Variants in PHC2 observed in about 807,000 individuals in gnomAD.
PHC2 encodes the protein polyhomeotic-like protein 2.
Under a neutral mutation model 87.4 loss-of-function variants are expected in PHC2, and 29 were observed. That is an observed-to-expected ratio of 0.33 (90% CI 0.25 to 0.45). The LOEUF is 0.45. Among genes scored for constraint, PHC2 ranks in the 20% least tolerant of loss-of-function variants. The pLI, the probability that PHC2 is intolerant of heterozygous loss-of-function variation, is 1.00. For synonymous variants in PHC2, 438 were observed against 461.7 expected (o/e 0.95, Z 0.66); for missense variants, 857 against 1,136.7 (o/e 0.75, Z 3.54).
At chr1:33,328,739 C>T in intron 14 of PHC2, 131 bp downstream of exon 14, 1 of 803,174 alleles carries the variant, frequency 1.2e-6, no homozygotes, top group Non-Finnish European at 2.0e-6. Flanking sequence ...GCTCATCTCA[C>T]TCATTTCTGC....
intron 9 of PHC2, among the ~76,000 whole-genome samples, chr1:33,338,795 C>G (rs1003553562): frequency 6.6e-5 from 10 of 152,160 alleles, no homozygotes; most frequent in Non-Finnish European, 1.0e-4. Flanking sequence ...TGTATACAGT[C>G]AGGCACCTGA....
chr1:33,338,320 C>T (rs936648505), intron 9 of PHC2, among the ~76,000 whole-genome samples: 2 of 152,228 alleles, frequency 1.3e-5, no homozygotes, highest in African/African-American at 2.4e-5. Context: ...AGAGAGAGAA[C>T]ACACTAAAAA....
At position 33,349,857 on chromosome 1, in the gene PHC2, C is replaced by G; in HGVS notation, c.1558+4544G>C. Reference sequence around the variant, plus strand: ...CGGCGGCCGGGGTTGCGCGCGCGCGCGCGGCGGGCGCTCGAGGGCTGCAGC... The same window carrying G: ...CGGCGGCCGGGGTTGCGCGCGCGCGGGCGGCGGGCGCTCGAGGGCTGCAGC... On this transcript the variant is annotated intron_variant, in intron 9 of 14. Coordinates refer to ENST00000683057, the MANE Select transcript of PHC2 (RefSeq NM_001385109.1). This position sits in a 1 kb window ranked among gnomAD's most constrained non-coding sequence, Gnocchi z 4.2. 1.0e-6 allele frequency: 1 copy of G among 976,466 alleles called. No individual in the cohort carries two copies. Among genetic ancestry groups the G allele is most frequent in the Non-Finnish European group, 1.2e-6 (1 of 825,388 alleles). 60.5% of individuals were successfully genotyped at this position (976,466 alleles called of 1,614,324 possible).
chr1:33,423,401 T>C (rs946634046), intron 1 of PHC2, among the ~76,000 whole-genome samples: 2 of 152,040 alleles, frequency 1.3e-5, no homozygotes, highest in African/African-American at 2.4e-5. Context: ...AAACCATCCA[T>C]CCCGTACAGC....
At chr1:33,359,595 C>T (rs999767464) in intron 7 of PHC2, among the ~76,000 whole-genome samples, 1 of 152,104 alleles carries the variant, frequency 6.6e-6, no homozygotes, top group Admixed American at 6.5e-5. Flanking sequence ...AAGACATGGT[C>T]CCTAGAAGAG....
chr1:33,335,145 C>T (rs1646596184), intron 9 of PHC2: 1 of 978,546 alleles, frequency 1.0e-6, no homozygotes, highest in Non-Finnish European at 1.2e-6. Context: ...ACAGAGTGCT[C>T]CAGAAAGTGA....
chr1:33,400,471 T>C (rs887491138), intron 1 of PHC2, among the ~76,000 whole-genome samples: 3 of 152,256 alleles, frequency 2.0e-5, no homozygotes, highest in Admixed American at 6.5e-5. Flanking sequence ...AAGCACTTAC[T>C]GTGTAGCAGC....
Position 33,331,618 on chromosome 1 carries a change from T to G in PHC2, c.1892-156A>C. On this transcript the variant is annotated intron_variant, in intron 11 of 14. Coordinates refer to ENST00000683057, the MANE Select transcript of PHC2 (RefSeq NM_001385109.1). The surrounding 1 kb of genome is among the most constrained non-coding windows in gnomAD (Gnocchi z 5.2). ...ATTCTAGCATGGAAAATGCCAGTGG[T>G]TCTCACCCCTGGAATGCACTCAAGG... The G allele has an allele frequency of 1.7e-6, 1 of 575,316 alleles. No individual in the cohort carries two copies. Among genetic ancestry groups the G allele is most frequent in the Non-Finnish European group, 3.1e-6 (1 of 320,634 alleles). The allele number at this position is 575,316 out of a possible 1,614,324, so 35.6% of individuals were successfully genotyped here.
rs1173113283 is a variant in PHC2, at chr1:33,369,338, G to A, written c.577-716C>T. Among the ~76,000 whole-genome samples, 2 of 152,210 alleles carry A rather than the reference G, an allele frequency of 1.3e-5. No individual in the cohort carries two copies. The highest frequency in any genetic ancestry group is 6.5e-5 in the Admixed American group (1 of 15,286). On this transcript the variant is annotated intron_variant, in intron 5 of 14. Transcript: ENST00000683057. The surrounding 1 kb of genome is among the most constrained non-coding windows in gnomAD (Gnocchi z 4.7). Reference sequence around the variant, plus strand: ...CAGGGTGCTTTCCCTAGAACTCTGCGATAGCGCAGCTGTGCTTTTTCCTCT... The same window carrying A: ...CAGGGTGCTTTCCCTAGAACTCTGCAATAGCGCAGCTGTGCTTTTTCCTCT...
At chr1:33,426,267 G>A (rs562787179) in intron 1 of PHC2, among the ~76,000 whole-genome samples, 2 of 152,054 alleles carry the variant, frequency 1.3e-5, no homozygotes, top group South Asian at 4.2e-4. Flanking sequence ...AGGCAGGACA[G>A]AACAGAAGCA....
At chr1:33,372,522 C>A (rs1171509082) in intron 2 of PHC2, 75 bp from the exon 3 acceptor site, 83 of 1,338,176 alleles carry the variant, frequency 6.2e-5, no homozygotes, top group Non-Finnish European at 7.6e-5. Flanking sequence ...TAATGCCTTG[C>A]CCACCCCAGG....
rs555751258 is a variant in PHC2 at position 33,358,856 on chromosome 1, T to C, written c.977-3603A>G. On this transcript the variant is annotated intron_variant, in intron 7 of 14. Transcript: ENST00000683057. ...ATTCTAGTCACCATTCTCTGGTCTT[T>C]ACAGCTGACAGGACTTTCCCCTTTC... 9.2e-5 allele frequency: 14 copies of C among 152,418 alleles called. No individual in the cohort carries two copies. The South Asian group carries it at 2.9e-3, about 32-fold the overall frequency. The allele number at this position is 152,418 out of a possible 1,614,324, so 9.4% of individuals were successfully genotyped here.
chr1:33,349,706 G>A lies in PHC2; in HGVS notation c.1558+4695C>T. The A allele has an allele frequency of 3.0e-6, 3 of 992,756 alleles. No individual in the cohort carries two copies. The highest frequency in any genetic ancestry group is 3.6e-6 in the Non-Finnish European group (3 of 834,460). The allele number at this position is 992,756 out of a possible 1,614,324, so 61.5% of individuals were successfully genotyped here. A position where few individuals can be genotyped will look rare whatever the true frequency, so the allele number is the denominator to read the frequency against. The stretch of plus-strand genomic sequence containing the variant: ...GGGCGGGCCGCCTCCTCTCCGCCGG[G>A]AGCCTCCGAGCCGGGGCCCGGGGCT... On this transcript the variant is annotated intron_variant, in intron 9 of 14. Coordinates refer to ENST00000683057, the MANE Select transcript of PHC2 (RefSeq NM_001385109.1). The surrounding 1 kb of genome is among the most constrained non-coding windows in gnomAD (Gnocchi z 4.2).
At chr1:33,330,418 A>G (rs1646465011) in intron 12 of PHC2, among the ~76,000 whole-genome samples, 1 of 152,222 alleles carries the variant, frequency 6.6e-6, no homozygotes, top group Admixed American at 6.5e-5. Flanking sequence ...AGTTGGGGGT[A>G]ATACCACTCA....
intron 1 of PHC2, among the ~76,000 whole-genome samples, chr1:33,415,140 G>A (rs1650151615): frequency 6.6e-6 from 1 of 152,172 alleles, no homozygotes; most frequent in Non-Finnish European, 1.5e-5. Context: ...ACTGAGATTA[G>A]ACATCCAGGA....
At chr1:33,379,710 C>G (rs551060642) in intron 1 of PHC2, among the ~76,000 whole-genome samples, 1 of 150,814 alleles carries the variant, frequency 6.6e-6, no homozygotes, top group East Asian at 2.0e-4. Flanking sequence ...CTCTGGAATA[C>G]GAGCACGTCC....
At chr1:33,347,749 G>T (rs981381879) in intron 9 of PHC2, 2 of 985,216 alleles carry the variant, frequency 2.0e-6, no homozygotes, top group Non-Finnish European at 2.4e-6. Flanking sequence ...TGGGTGGGCT[G>T]AGAAGCAGAG....
chr1:33,398,057 T>C (rs1649367500), intron 1 of PHC2, among the ~76,000 whole-genome samples: 1 of 152,184 alleles, frequency 6.6e-6, no homozygotes, highest in Admixed American at 6.5e-5. Flanking sequence ...CAAGACCCCA[T>C]CTGGCTCTGC....
chr1:33,349,885 C>G lies in PHC2; in HGVS notation c.1558+4516G>C. ...GGCGGGCGCTCGAGGGCTGCAGCCGCCGCGGAGACAATGCGGCGAGTCTGG... is the reference window on the plus strand; with the variant it reads ...GGCGGGCGCTCGAGGGCTGCAGCCGGCGCGGAGACAATGCGGCGAGTCTGG... On this transcript the variant is annotated intron_variant, in intron 9 of 14. Coordinates refer to ENST00000683057, the MANE Select transcript of PHC2 (RefSeq NM_001385109.1). The surrounding 1 kb of genome is among the most constrained non-coding windows in gnomAD (Gnocchi z 4.2). 1.0e-6 allele frequency: 1 copy of G among 978,424 alleles called. No homozygotes were observed. Among genetic ancestry groups the G allele is most frequent in the Non-Finnish European group, 1.2e-6 (1 of 826,598 alleles). 60.6% of individuals were successfully genotyped at this position (978,424 alleles called of 1,614,324 possible). A position where few individuals can be genotyped will look rare whatever the true frequency, so the allele number is the denominator to read the frequency against.
Sources: gnomAD v4.1 joint callset for allele counts (sites outside exome capture counted in the v4.1 genomes callset) on GRCh38, gnomAD v4.1.1 for gene constraint, Gnocchi (gnomAD v3.1) non-coding constraint, MANE v1.5 for transcripts, NCBI Gene and HGNC (gene_info 2026-07-23, HGNC 2026-07-21) for gene names.